Variants in CCNY observed in about 807,000 individuals in gnomAD.
CCNY encodes the protein cyclin-Y.
In CCNY, 19 loss-of-function variants were observed where a neutral mutation model predicts 42.8. That is an observed-to-expected ratio of 0.44 (90% CI 0.31 to 0.65). The LOEUF is 0.65. CCNY is among the 30% of genes least tolerant of loss of function. The pLI, the probability that CCNY is intolerant of heterozygous loss-of-function variation, is 0.07. For missense variants in CCNY, 370 were observed against 437.3 expected (o/e 0.85, Z 1.37); for synonymous variants, 165 against 162.7 (o/e 1.01, Z -0.11).
At chr10:35,307,273 C>T (rs1387531045) in intron 3 of CCNY, among the ~76,000 whole-genome samples, 1 of 152,188 alleles carries the variant, frequency 6.6e-6, no homozygotes, top group Non-Finnish European at 1.5e-5. Context: ...TATCCTTGTC[C>T]TCAAGGAACT....
chr10:35,292,724 A>G (rs944962470), intron 3 of CCNY, among the ~76,000 whole-genome samples: 8 of 149,234 alleles, frequency 5.4e-5, no homozygotes, highest in Admixed American at 2.0e-4. Context: ...CTCTGCTTTC[A>G]GCATCGTATC....
chr10:35,438,890 T>G (rs1318347200), intron 1 of CCNY, among the ~76,000 whole-genome samples: 1 of 152,192 alleles, frequency 6.6e-6, no homozygotes, highest in Non-Finnish European at 1.5e-5. Context: ...GAAAATATCT[T>G]GATTTCCTCT....
intron 1 of CCNY, among the ~76,000 whole-genome samples, chr10:35,445,422 T>C (rs986780575): frequency 6.6e-6 from 1 of 152,106 alleles, no homozygotes; most frequent in African/African-American, 2.4e-5. Context: ...ATGTAAGGGT[T>C]AGGGGAAGAG....
intron 1 of CCNY, among the ~76,000 whole-genome samples, chr10:35,387,077 C>T (rs1313373049): frequency 1.3e-5 from 2 of 152,156 alleles, no homozygotes; most frequent in Non-Finnish European, 2.9e-5. Flanking sequence ...AGAGGAATTC[C>T]ACTGTCCTTT....
chr10:35,251,709 C>CTT (rs2095712187), intron 3 of CCNY, among the ~76,000 whole-genome samples: 2 of 152,028 alleles, frequency 1.3e-5, no homozygotes, highest in African/African-American at 4.8e-5. Context: ...CCACCTCAAC[C>CTT]TCTCGAGTAG....
chr10:35,261,718 C>T (rs1589004634), intron 3 of CCNY, among the ~76,000 whole-genome samples: 2 of 151,902 alleles, frequency 1.3e-5, no homozygotes, highest in South Asian at 2.1e-4. Context: ...AAAAATTTAA[C>T]GGAATATAGA....
intron 7 of CCNY, among the ~76,000 whole-genome samples, chr10:35,549,802 A>G (rs1841209477): frequency 1.4e-5 from 1 of 70,030 alleles, no homozygotes; most frequent in Non-Finnish European, 2.7e-5. Flanking sequence ...AGTGCTCGTG[A>G]CCCTGCGCTG....
intron 3 of CCNY, among the ~76,000 whole-genome samples, chr10:35,310,968 C>T (rs1835676307): frequency 6.8e-6 from 1 of 147,858 alleles, no homozygotes; most frequent in African/African-American, 2.6e-5. Context: ...TGGTGAAACC[C>T]TGTCTCAACA....
chr10:35,277,774 A>G (rs1401129296), intron 3 of CCNY, among the ~76,000 whole-genome samples: 1 of 150,264 alleles, frequency 6.7e-6, no homozygotes, highest in Non-Finnish European at 1.5e-5. Context: ...TCACATTTGT[A>G]TGTTGCGGGC....
chr10:35,317,252 A>G (rs1238913901), intron 3 of CCNY, among the ~76,000 whole-genome samples: 1 of 152,124 alleles, frequency 6.6e-6, no homozygotes, highest in African/African-American at 2.4e-5. Flanking sequence ...TGGTCTTCCA[A>G]TGTGTTAGGA....
At chr10:35,474,455 C>T (rs1202097572) in intron 1 of CCNY, among the ~76,000 whole-genome samples, 11 of 151,660 alleles carry the variant, frequency 7.3e-5, no homozygotes, top group African/African-American at 2.0e-4. Context: ...GATCTGGGAA[C>T]GGGCAGACTG....
intron 2 of CCNY, among the ~76,000 whole-genome samples, chr10:35,486,887 GT>G (rs1564430677): frequency 6.6e-6 from 1 of 152,188 alleles, no homozygotes; most frequent in Non-Finnish European, 1.5e-5. Context: ...CTCCTTGAGG[GT>G]TTCTTTGATC....
intron 7 of CCNY, among the ~76,000 whole-genome samples, chr10:35,538,928 G>A (rs1169088018): frequency 6.6e-6 from 1 of 152,020 alleles, no homozygotes; most frequent in South Asian, 2.1e-4. Flanking sequence ...TTAAATTTAG[G>A]TCTATCATTC....
intron 3 of CCNY, among the ~76,000 whole-genome samples, chr10:35,510,589 G>A (rs1442564313): frequency 6.6e-6 from 1 of 152,106 alleles, no homozygotes; most frequent in Non-Finnish European, 1.5e-5. Context: ...CATTGAAAAT[G>A]GGAAGTTAAA....
At chr10:35,542,948 A>G (rs933285157) in intron 7 of CCNY, among the ~76,000 whole-genome samples, 63 of 152,368 alleles carry the variant, frequency 4.1e-4, no homozygotes, top group African/African-American at 1.5e-3. Flanking sequence ...TGCCATGCCT[A>G]TGCAAATTCA....
At chr10:35,261,602 G>T (rs151280943) in intron 3 of CCNY, among the ~76,000 whole-genome samples, 1 of 152,262 alleles carries the variant, frequency 6.6e-6, no homozygotes, top group African/African-American at 2.4e-5. Context: ...CTACTCAGGA[G>T]GCTGAAGCAG....
At chr10:35,481,187 A>G (rs373941428) in intron 1 of CCNY, among the ~76,000 whole-genome samples, 4 of 152,296 alleles carry the variant, frequency 2.6e-5, no homozygotes, top group East Asian at 3.9e-4. Context: ...TGATTTTTAG[A>G]TGGTATGATA....
chr10:35,534,978 T>C lies in CCNY; in HGVS notation c.579+4735T>C, dbSNP rs28500519. ...ATACACACACACACACACACACATA[T>C]ATATATATAGATCTATATATATGTG... On this transcript the variant is annotated intron_variant, in intron 7 of 9. Transcript: ENST00000374704. 7.7e-3 allele frequency among the ~76,000 whole-genome samples: 1,011 copies of C among 131,430 alleles called. 10 individuals are homozygous for C. Among genetic ancestry groups the C allele is most frequent in the African/African-American group, 0.028 (941 of 33,650 alleles). The allele number at this position is 131,430 out of a possible 152,430, so 86.2% of individuals were successfully genotyped here.
At chr10:35,453,521 A>G (rs1466007036) in intron 1 of CCNY, among the ~76,000 whole-genome samples, 5 of 152,232 alleles carry the variant, frequency 3.3e-5, no homozygotes, top group Non-Finnish European at 7.3e-5. Context: ...CAGGCATTCT[A>G]ATGACTCAAA....
Sources: allele counts gnomAD v4.1 joint callset (sites outside exome capture counted in the v4.1 genomes callset), GRCh38; gene constraint gnomAD v4.1.1; transcripts MANE v1.5; gene names NCBI Gene and HGNC (gene_info 2026-07-23, HGNC 2026-07-21).